CSMD3: variants seen among roughly 807,000 people sequenced by gnomAD.
The protein encoded by CSMD3 is CUB and Sushi multiple domains 3, also known as CUB and sushi domain-containing protein 3.
In CSMD3, 177 loss-of-function variants were observed where a neutral mutation model predicts 435.2. The observed-to-expected ratio is 0.41, with a 90% CI of 0.36 to 0.46. CSMD3 has a LOEUF of 0.46. Among genes scored for constraint, CSMD3 ranks in the 20% least tolerant of loss-of-function variants. The pLI is 0.34. For missense variants in CSMD3, 4,265 were observed against 4,504.6 expected, an observed-to-expected ratio of 0.95 and a Z score of 1.52; for synonymous variants, 1,656 against 1,520.5, an observed-to-expected ratio of 1.09 and a Z score of -2.07.
intron 22 of CSMD3, among the ~76,000 whole-genome samples, chr8:112,622,479 C>A (rs1210016887): frequency 6.6e-6 from 1 of 152,140 alleles, no homozygotes; most frequent in African/African-American, 2.4e-5. Context: ...AAACAATGTA[C>A]AATGTTCTCC....
intron 37 of CSMD3, 125 bp downstream of exon 37, chr8:112,383,442 A>C (rs1273482164): frequency 3.0e-6 from 2 of 659,296 alleles, no homozygotes; most frequent in Non-Finnish European, 5.5e-6. Flanking sequence ...CAGTCCTTGT[A>C]TCTTTGTGTA....
At chr8:113,177,895 A>G (rs1046221494) in intron 3 of CSMD3, among the ~76,000 whole-genome samples, 4 of 152,098 alleles carry the variant, frequency 2.6e-5, no homozygotes, top group Non-Finnish European at 2.9e-5. Context: ...TTGATATTGC[A>G]AAATAATTCC....
At chr8:113,331,013 T>C (rs949049004) in intron 1 of CSMD3, among the ~76,000 whole-genome samples, 2 of 151,698 alleles carry the variant, frequency 1.3e-5, no homozygotes, top group African/African-American at 2.4e-5. Context: ...AAAAAAGTTC[T>C]CAAAACCAAA....
intron 3 of CSMD3, among the ~76,000 whole-genome samples, chr8:113,191,375 C>G (rs955998880): frequency 6.6e-6 from 1 of 151,612 alleles, no homozygotes; most frequent in Non-Finnish European, 1.5e-5. Flanking sequence ...GGCAGTTTTT[C>G]GGCCCACATC....
chr8:113,125,621 T>C (rs2091103535), intron 4 of CSMD3, among the ~76,000 whole-genome samples: 1 of 151,520 alleles, frequency 6.6e-6, no homozygotes, highest in Admixed American at 6.6e-5. Context: ...ATAAATACAG[T>C]AGTAAAGAAG....
intron 11 of CSMD3, among the ~76,000 whole-genome samples, chr8:112,854,032 T>C (rs1172178773): frequency 6.6e-6 from 1 of 152,230 alleles, no homozygotes; most frequent in Non-Finnish European, 1.5e-5. Context: ...GTTCTGGTAA[T>C]ACCACAGTTT....
At chr8:112,399,265 ATT>A (rs111906592) in intron 35 of CSMD3, among the ~76,000 whole-genome samples, 1 of 145,444 alleles carries the variant, frequency 6.9e-6, no homozygotes, top group Admixed American at 6.9e-5. Context: ...TTGATTCCAA[ATT>A]TTTTTTTTTT....
chr8:112,444,996 A>G (rs951095305), intron 32 of CSMD3, among the ~76,000 whole-genome samples: 1 of 152,154 alleles, frequency 6.6e-6, no homozygotes, highest in Non-Finnish European at 1.5e-5. Flanking sequence ...TAAACCTAGC[A>G]CTTTGGGAGG....
intron 9 of CSMD3, among the ~76,000 whole-genome samples, chr8:112,937,942 G>T (rs1771526285): frequency 6.6e-6 from 1 of 152,036 alleles, no homozygotes; most frequent in African/African-American, 2.4e-5. Context: ...GATAAAAGAA[G>T]CACACAAGTA....
intron 4 of CSMD3, among the ~76,000 whole-genome samples, chr8:113,099,989 G>A (rs149048081): frequency 7.2e-5 from 11 of 152,098 alleles, no homozygotes; most frequent in African/African-American, 2.2e-4. Flanking sequence ...TGATGTGACC[G>A]ATAGCTCCAG....
intron 1 of CSMD3, among the ~76,000 whole-genome samples, chr8:113,432,142 G>A (rs541732813): frequency 2.0e-5 from 3 of 152,136 alleles, no homozygotes; most frequent in Non-Finnish European, 2.9e-5. Context: ...TGCAGCACCC[G>A]CCTCCTCCCC....
intron 10 of CSMD3, among the ~76,000 whole-genome samples, chr8:112,918,060 C>T (rs1444258428): frequency 6.6e-6 from 1 of 151,840 alleles, no homozygotes; most frequent in Non-Finnish European, 1.5e-5. Flanking sequence ...AACTTGTAAA[C>T]AAGTCTATTA....
intron 3 of CSMD3, among the ~76,000 whole-genome samples, chr8:113,225,945 T>C (rs1418303336): frequency 1.3e-5 from 2 of 151,452 alleles, no homozygotes; most frequent in Admixed American, 6.6e-5. Flanking sequence ...GTCCTCATGA[T>C]AGTGAGTGAC....
At chr8:113,228,609 G>C (rs1414098240) in intron 3 of CSMD3, among the ~76,000 whole-genome samples, 1 of 151,082 alleles carries the variant, frequency 6.6e-6, no homozygotes, top group African/African-American at 2.4e-5. Context: ...CATATGGATG[G>C]TTCCATATTT....
intron 1 of CSMD3, among the ~76,000 whole-genome samples, chr8:113,372,638 A>G (rs1199856240): frequency 6.6e-6 from 1 of 152,222 alleles, no homozygotes; most frequent in Non-Finnish European, 1.5e-5. Context: ...AAAAGCATAG[A>G]AAAGACACAT....
At chr8:113,065,310 A>G (rs1323488408) in intron 5 of CSMD3, among the ~76,000 whole-genome samples, 2 of 152,228 alleles carry the variant, frequency 1.3e-5, no homozygotes. Flanking sequence ...AGTTATAAGT[A>G]CATGAAAAAG....
intron 38 of CSMD3, among the ~76,000 whole-genome samples, chr8:112,362,766 A>G (rs991960976): frequency 5.9e-5 from 9 of 152,034 alleles, no homozygotes; most frequent in African/African-American, 2.2e-4. Flanking sequence ...GCTCCATAGA[A>G]GTAACCCATA....
chr8:113,390,195 A>T (rs2094455764), intron 1 of CSMD3, among the ~76,000 whole-genome samples: 1 of 151,864 alleles, frequency 6.6e-6, no homozygotes, highest in Admixed American at 6.6e-5. Context: ...TGAGGTGGAC[A>T]CAGGGCAAGT....
At chr8:112,250,297 A>T (rs571643333) in intron 63 of CSMD3, among the ~76,000 whole-genome samples, 13 of 151,906 alleles carry the variant, frequency 8.6e-5, no homozygotes, top group Non-Finnish European at 1.8e-4. Flanking sequence ...ATAGAATTAA[A>T]ATAAAATCTG....
Sources: allele counts gnomAD v4.1 joint callset (sites outside exome capture counted in the v4.1 genomes callset), GRCh38; gene constraint gnomAD v4.1.1; transcripts MANE v1.5; gene names NCBI Gene and HGNC (gene_info 2026-07-23, HGNC 2026-07-21).